The following PLCD4 variants were observed in gnomAD, a reference collection of about 807,000 sequenced individuals.
PLCD4 encodes the protein 1-phosphatidylinositol 4,5-bisphosphate phosphodiesterase delta-4.
In PLCD4, 63 loss-of-function variants were observed where a neutral mutation model predicts 90.2. The observed-to-expected ratio is 0.70, with a 90% CI of 0.57 to 0.86. The LOEUF (loss-of-function observed/expected upper bound fraction) is 0.86. Ranked by LOEUF, PLCD4 falls within the 40% of genes least tolerant of loss-of-function variation. The pLI, the probability that PLCD4 is intolerant of heterozygous loss-of-function variation, is 0.00. For missense variants in PLCD4, 830 were observed against 956.3 expected (o/e 0.87, Z 1.74); for synonymous variants, 294 against 356.5 (o/e 0.82, Z 1.97).
At chr2:218,613,580 T>C (rs1268172734) in intron 1 of PLCD4, among the ~76,000 whole-genome samples, 1 of 152,158 alleles carries the variant, frequency 6.6e-6, no homozygotes, top group African/African-American at 2.4e-5. Context: ...TGTTTTTGCT[T>C]TTTGAGACAG....
intron 11 of PLCD4, 135 bp from the exon 12 acceptor site, chr2:218,633,970 A>T: frequency 7.7e-7 from 1 of 1,292,220 alleles, no homozygotes; most frequent in Non-Finnish European, 1.1e-6. Flanking sequence ...TGGACAGAGT[A>T]GAGAGGCACA....
Position 218,635,881 on chromosome 2 carries a change from G to C in PLCD4, c.1982G>C (p.Gly661Ala). The change falls in exon 14 of 16, where the codon GGC becomes GCC. Residue 661 changes from glycine to alanine, a missense_variant. Coordinates refer to ENST00000450993, the MANE Select transcript of PLCD4 (RefSeq NM_032726.4). ...CCACTGGTGAAAGTGCAGATCTTTGGCGTTCGTCTAGACACAGCACGGCAG... is the reference window on the plus strand; with the variant it reads ...CCACTGGTGAAAGTGCAGATCTTTGCCGTTCGTCTAGACACAGCACGGCAG... Reference protein sequence around the residue: ...VDPLVKVQIFGVRLDTARQET... With the variant: ...VDPLVKVQIFAVRLDTARQET... 1 of 1,613,910 alleles carries C rather than the reference G, an allele frequency of 6.2e-7. No individual in the cohort carries two copies. The highest frequency in any genetic ancestry group is 1.3e-5 in the African/African-American group (1 of 74,994).
intron 3 of PLCD4, among the ~76,000 whole-genome samples, chr2:218,617,314 T>C (rs932346034): frequency 6.4e-4 from 94 of 147,492 alleles, no homozygotes; most frequent in African/African-American, 1.9e-3. Context: ...TGGTGGATCA[T>C]GCCTGTAATC....
Position 218,615,953 on chromosome 2 carries a change from G to C in PLCD4, c.72G>C (p.Met24Ile). ...DLLLMQEGMP[M>I]RKVRSKSWKK... ...TGCTGATGCAGGAAGGCATGCCGAT[G>C]CGCAAGGTGAGGTCCAAAAGCTGGA... is the stretch of plus-strand genomic sequence containing the variant. The change falls in exon 3 of 16, where the codon ATG becomes ATC. Residue 24 changes from methionine (M) to isoleucine (I), a missense_variant. Coordinates refer to ENST00000450993, the MANE Select transcript of PLCD4 (RefSeq NM_032726.4). 1 of 1,614,064 alleles carries C rather than the reference G, an allele frequency of 6.2e-7. No homozygotes were observed. Among genetic ancestry groups the C allele is most frequent in the Non-Finnish European group, 8.5e-7 (1 of 1,179,894 alleles).
At position 218,636,608 on chromosome 2, in the gene PLCD4, C is replaced by T. The variant is rs1387654268; in HGVS notation, c.*31C>T. The stretch of plus-strand genomic sequence containing the variant: ...GCATTTCACGGGAAGGGTTGGTGTG[C>T]TGGCTTTAGACGGGGAGAAACATCT... On this transcript the variant is annotated 3_prime_UTR_variant, in exon 16 of 16. Coordinates refer to ENST00000450993, the MANE Select transcript of PLCD4 (RefSeq NM_032726.4). The T allele has an allele frequency of 6.3e-7, 1 of 1,595,228 alleles. No homozygotes were observed. Among genetic ancestry groups the T allele is most frequent in the Non-Finnish European group, 8.6e-7 (1 of 1,164,498 alleles).
At chr2:218,615,472 G>T (rs1177136910) in intron 1 of PLCD4, among the ~76,000 whole-genome samples, 1 of 152,136 alleles carries the variant, frequency 6.6e-6, no homozygotes, top group Non-Finnish European at 1.5e-5. Context: ...GGGTAGGAAG[G>T]GGGTGCTGGG....
At chr2:218,624,959 A>C (rs549269959) in intron 6 of PLCD4, among the ~76,000 whole-genome samples, 27 of 151,578 alleles carry the variant, frequency 1.8e-4, no homozygotes, top group Admixed American at 1.1e-3. Context: ...AAAAACACAA[A>C]AAATTAGCCG....
chr2:218,615,830 C>T, intron 2 of PLCD4, 69 bp downstream of exon 2: 1 of 1,603,034 alleles, frequency 6.2e-7, no homozygotes, highest in Non-Finnish European at 8.5e-7. Context: ...GGAGGTTGGA[C>T]CCCTGTTCCA....
intron 3 of PLCD4, among the ~76,000 whole-genome samples, chr2:218,618,177 C>T (rs1043678993): frequency 6.6e-6 from 1 of 152,248 alleles, no homozygotes; most frequent in African/African-American, 2.4e-5. Flanking sequence ...CTGCTTCTGC[C>T]TTTCAAATGT....
chr2:218,636,315 T>G lies in PLCD4; in HGVS notation c.2105T>G (p.Val702Gly). ...LVPELAMLRF[V>G]VMDYDWKSRN... is the part of the protein sequence containing the mutation. ...CCTGAACTTGCCATGCTGCGTTTTG[T>G]GGTAATGGATTATGACTGGAAATCC... Residue 702 changes from valine to glycine, a missense_variant, in exon 15 of 16, where the codon GTG becomes GGG. Physicochemically the swap from Val to Gly is moderately radical, Grantham distance 109. Transcript: ENST00000450993. 1.2e-6 allele frequency: 2 copies of G among 1,614,030 alleles called. No individual in the cohort carries two copies. The highest frequency in any genetic ancestry group is 1.7e-6 in the Non-Finnish European group (2 of 1,179,894).
chr2:218,634,144 G>C lies in PLCD4; in HGVS notation c.1646G>C (p.Arg549Pro). The C allele has an allele frequency of 1.2e-6, 2 of 1,612,582 alleles. No individual in the cohort carries two copies. Among genetic ancestry groups the C allele is most frequent in the Non-Finnish European group, 1.7e-6 (2 of 1,179,324 alleles). ...FVQHNTWQLS[R>P]VYPSGLRTDS... ...CAGCACAATACTTGGCAGTTAAGCC[G>C]TGTGTATCCCAGCGGCCTGAGGACA... Residue 549 changes from arginine (R) to proline (P), a missense_variant, in exon 12 of 16, where the codon CGT (arginine) becomes CCT (proline). By Grantham distance (103) the Arg-to-Pro change is moderately radical. Transcript: ENST00000450993. The surrounding 1 kb of genome is among the most constrained non-coding windows in gnomAD (Gnocchi z 4.0).
chr2:218,628,077 G>A lies in PLCD4; in HGVS notation c.821G>A (p.Cys274Tyr). 6.2e-7 allele frequency: 1 copy of A among 1,614,000 alleles called. No homozygotes were observed. Among genetic ancestry groups the A allele is most frequent in the Non-Finnish European group, 8.5e-7 (1 of 1,179,892 alleles). ...LSMDGFLSYL[C>Y]SKDGDIFNPA... ...ATGGATGGCTTCCTCAGCTACCTCT[G>A]CTCTAAGGATGGAGACATCTTCAAC... is the stretch of plus-strand genomic sequence containing the variant. Residue 274 changes from cysteine to tyrosine, a missense_variant, in exon 7 of 16, where the codon TGC becomes TAC. By Grantham distance (194) the Cys-to-Tyr change is radical (BLOSUM62 -2). Transcript: ENST00000450993.
chr2:218,614,262 G>A (rs915386217), intron 1 of PLCD4, among the ~76,000 whole-genome samples: 19 of 151,994 alleles, frequency 1.3e-4, no homozygotes, highest in Middle Eastern at 3.4e-3. Flanking sequence ...TTCATGGTCC[G>A]CCCGCCTTGG....
intron 6 of PLCD4, among the ~76,000 whole-genome samples, chr2:218,625,017 CAGG>C (rs1454119123): frequency 1.1e-4 from 14 of 127,600 alleles, no homozygotes; most frequent in African/African-American, 4.2e-4. Flanking sequence ...GAGGCTGAGA[CAGG>C]AGAATTGCTT....
chr2:218,634,737 CA>C lies in PLCD4; in HGVS notation c.1896+108del. ...ATGTAGAGGCCGGATAGCCTATTAA[CA>C]GTGTCTAGTTTTAGCTTTTGGAGCC... On this transcript the variant is annotated intron_variant, in intron 13 of 15. Coordinates refer to ENST00000450993, the MANE Select transcript of PLCD4 (RefSeq NM_032726.4). This position sits in a 1 kb window ranked among gnomAD's most constrained non-coding sequence, Gnocchi z 4.0. The C allele has an allele frequency of 2.3e-6, 3 of 1,313,978 alleles. No homozygotes were observed. The highest frequency in any genetic ancestry group is 3.2e-6 in the Non-Finnish European group (3 of 951,884). 81.4% of individuals were successfully genotyped at this position (1,313,978 alleles called of 1,614,324 possible).
At chr2:218,632,348 G>A in intron 10 of PLCD4, 36 bp downstream of exon 10, 1 of 1,566,138 alleles carries the variant, frequency 6.4e-7, no homozygotes, top group Admixed American at 1.9e-5. Flanking sequence ...GTGGTATTTA[G>A]TCAACTTATG....
At chr2:218,632,542 A>T (rs560504696) in intron 10 of PLCD4, among the ~76,000 whole-genome samples, 91 of 152,042 alleles carry the variant, frequency 6.0e-4, no homozygotes, top group African/African-American at 1.4e-3. Flanking sequence ...CTTTTTTTTT[A>T]AAATGAAATC....
intron 10 of PLCD4, chr2:218,633,212 A>T: frequency 1.7e-6 from 1 of 594,172 alleles, no homozygotes; most frequent in Non-Finnish European, 3.0e-6. Flanking sequence ...ACCAAAGGTT[A>T]TTGTTCCTTT....
chr2:218,618,035 C>G (rs1361898832), intron 3 of PLCD4, among the ~76,000 whole-genome samples: 2 of 151,058 alleles, frequency 1.3e-5, no homozygotes, highest in Non-Finnish European at 3.0e-5. Context: ...TGCAGTGAGC[C>G]GAGATCGCGC....
Sources: gnomAD v4.1 joint callset for allele counts (sites outside exome capture counted in the v4.1 genomes callset) on GRCh38, gnomAD v4.1.1 for gene constraint, Gnocchi (gnomAD v3.1) non-coding constraint, MANE v1.5 for transcripts, NCBI Gene and HGNC (gene_info 2026-07-23, HGNC 2026-07-21) for gene names.